The following CTNND2 variants were observed in gnomAD, a reference collection of about 807,000 sequenced individuals.
CTNND2 encodes the protein catenin delta-2.
A neutral mutation model predicts 144.4 loss-of-function variants in CTNND2; 22 were observed. The ratio of observed to expected loss-of-function variants is 0.15; its 90% CI spans 0.11 to 0.22. CTNND2 has a LOEUF of 0.22. Among genes scored for constraint, CTNND2 ranks in the 10% least tolerant of loss-of-function variants. The pLI is 1.00. For missense variants in CTNND2, 1,353 were observed against 1,618.8 expected (o/e 0.84, Z 2.82); for synonymous variants, 751 against 695.6 (o/e 1.08, Z -1.25).
chr5:11,342,109 C>A (rs1259267140), intron 9 of CTNND2, among the ~76,000 whole-genome samples: 1 of 152,144 alleles, frequency 6.6e-6, no homozygotes, highest in Admixed American at 6.5e-5. Context: ...CACATGTGCA[C>A]ATGCGTCGTG....
intron 9 of CTNND2, among the ~76,000 whole-genome samples, chr5:11,329,563 C>A (rs1187876956): frequency 6.6e-6 from 1 of 152,204 alleles, no homozygotes; most frequent in Non-Finnish European, 1.5e-5. Flanking sequence ...CAGCCCATAA[C>A]ACCTCTCTTA....
chr5:11,189,266 G>C (rs934964757), intron 11 of CTNND2, among the ~76,000 whole-genome samples: 1 of 152,258 alleles, frequency 6.6e-6, no homozygotes, highest in African/African-American at 2.4e-5. Context: ...CATAAGGAAG[G>C]CTGGTCTATG....
At chr5:11,068,812 G>A (rs1259593280) in intron 16 of CTNND2, among the ~76,000 whole-genome samples, 6 of 152,344 alleles carry the variant, frequency 3.9e-5, no homozygotes. Context: ...AGCTATGTGG[G>A]GGGCTGGGGC....
At chr5:11,294,704 G>C (rs185911309) in intron 9 of CTNND2, among the ~76,000 whole-genome samples, 2 of 152,038 alleles carry the variant, frequency 1.3e-5, no homozygotes, top group Admixed American at 6.5e-5. Context: ...ACGTAATCCA[G>C]CATATAAACA....
chr5:11,198,773 C>G (rs565874535), intron 11 of CTNND2, among the ~76,000 whole-genome samples: 1 of 152,290 alleles, frequency 6.6e-6, no homozygotes, highest in South Asian at 2.1e-4. Flanking sequence ...CCAAGTAACA[C>G]TGCACATTTT....
chr5:11,473,272 G>T (rs1767398872), intron 3 of CTNND2, among the ~76,000 whole-genome samples: 2 of 152,184 alleles, frequency 1.3e-5, no homozygotes, highest in South Asian at 4.1e-4. Context: ...CCAACTGGGA[G>T]TGGGGAGAGA....
At chr5:11,676,956 A>G (rs1784205075) in intron 2 of CTNND2, among the ~76,000 whole-genome samples, 1 of 152,226 alleles carries the variant, frequency 6.6e-6, no homozygotes. Context: ...TCTCTTTAAA[A>G]GATAATCCAA....
rs58263591 is a variant in CTNND2 at position 11,180,224 on chromosome 5, C to T, written c.1975+19224G>A. On this transcript the variant is annotated intron_variant, in intron 11 of 21. Transcript: ENST00000304623. ...TTAAAGTGGGGCACTTCCCCCGCAT[C>T]GCTCTCTCTCTCTCTCCTCCACTAT... Among the ~76,000 whole-genome samples the T allele has an allele frequency of 2.6e-3, 392 of 152,200 alleles. 1 individual carries two copies. The highest frequency in any genetic ancestry group is 8.7e-3 in the African/African-American group (363 of 41,528).
chr5:11,764,463 T>C (rs1047437932), intron 1 of CTNND2, among the ~76,000 whole-genome samples: 1 of 152,140 alleles, frequency 6.6e-6, no homozygotes, highest in Non-Finnish European at 1.5e-5. Flanking sequence ...AAAAAAAAGA[T>C]AGAAAACAGT....
intron 10 of CTNND2, among the ~76,000 whole-genome samples, chr5:11,206,380 C>T (rs944252527): frequency 2.0e-5 from 3 of 152,204 alleles, no homozygotes; most frequent in South Asian, 2.1e-4. Context: ...TGCTGAACAC[C>T]GTAAATGAGT....
rs1175124619 is a variant in CTNND2 at position 11,384,026 on chromosome 5, T to C, written c.1177+639A>G. The stretch of plus-strand genomic sequence containing the variant: ...TAAAGCAGGTACAAATTTAAGGGAC[T>C]TCATCATTGCTAACTTTGTCGCAAA... On this transcript the variant is annotated intron_variant, in intron 7 of 21. Transcript: ENST00000304623. The surrounding 1 kb of genome is among the most constrained non-coding windows in gnomAD (Gnocchi z 5.2). Among the ~76,000 whole-genome samples, 1 of 152,130 alleles carries C rather than the reference T, an allele frequency of 6.6e-6. No homozygotes were observed. The highest frequency in any genetic ancestry group is 1.5e-5 in the Non-Finnish European group (1 of 68,024).
chr5:11,322,179 G>A (rs1752102433), intron 9 of CTNND2, among the ~76,000 whole-genome samples: 1 of 152,156 alleles, frequency 6.6e-6, no homozygotes, highest in Admixed American at 6.6e-5. Flanking sequence ...CATGCAGCTT[G>A]CTGTAGAAAG....
intron 10 of CTNND2, among the ~76,000 whole-genome samples, chr5:11,214,666 GC>G (rs764304035): frequency 3.3e-5 from 5 of 152,092 alleles, no homozygotes; most frequent in Non-Finnish European, 7.4e-5. Flanking sequence ...ATTAACCTTG[GC>G]CTTCAGTCCT....
intron 9 of CTNND2, among the ~76,000 whole-genome samples, chr5:11,333,757 A>T (rs1580936493): frequency 6.6e-6 from 1 of 152,234 alleles, no homozygotes; most frequent in East Asian, 1.9e-4. Flanking sequence ...ATTTGCTTGA[A>T]AGGGTTTGCT....
chr5:11,121,223 T>C (rs569147856), intron 12 of CTNND2, among the ~76,000 whole-genome samples: 13 of 152,330 alleles, frequency 8.5e-5, no homozygotes, highest in Admixed American at 3.9e-4. Flanking sequence ...AACACCCTGA[T>C]AACCTTCCGC....
chr5:11,044,545 C>CATATAT (rs35127513), intron 16 of CTNND2, among the ~76,000 whole-genome samples: 88 of 146,730 alleles, frequency 6.0e-4, no homozygotes, highest in African/African-American at 1.6e-3. Context: ...AAAAAAAATA[C>CATATAT]ATATATATAT....
At chr5:11,217,063 TA>T (rs1263399624) in intron 10 of CTNND2, among the ~76,000 whole-genome samples, 1 of 152,212 alleles carries the variant, frequency 6.6e-6, no homozygotes, top group African/African-American at 2.4e-5. Flanking sequence ...AAGTGTGAAG[TA>T]CTCTTTGTCC....
intron 9 of CTNND2, among the ~76,000 whole-genome samples, chr5:11,296,727 G>A (rs1240703935): frequency 2.0e-5 from 3 of 152,042 alleles, no homozygotes; most frequent in Non-Finnish European, 2.9e-5. Context: ...GCAAACTATC[G>A]CAAGGACAAA....
At chr5:11,596,043 G>A (rs948990443) in intron 2 of CTNND2, among the ~76,000 whole-genome samples, 1 of 152,086 alleles carries the variant, frequency 6.6e-6, no homozygotes, top group South Asian at 2.1e-4. Context: ...ACACGCAAGC[G>A]CAACTTTGCA....
Sources: gnomAD v4.1 joint callset for allele counts (sites outside exome capture counted in the v4.1 genomes callset) on GRCh38, gnomAD v4.1.1 for gene constraint, Gnocchi (gnomAD v3.1) non-coding constraint, MANE v1.5 for transcripts, NCBI Gene and HGNC (gene_info 2026-07-23, HGNC 2026-07-21) for gene names.